Variants in PRELID2 observed in about 807,000 individuals in gnomAD.
PRELID2 encodes PRELI domain-containing protein 2.
In PRELID2, 25 loss-of-function variants were observed where a neutral mutation model predicts 28.4. The ratio of observed to expected loss-of-function variants is 0.88; its 90% confidence interval spans 0.64 to 1.23. PRELID2 has a LOEUF of 1.23. PRELID2 is among the 50% of genes most tolerant of loss of function. PRELID2 has a pLI of 0.00. For missense variants in PRELID2, 201 were observed against 214.4 expected, an observed-to-expected ratio of 0.94 and a Z score of 0.39; for synonymous variants, 76 against 71.6, an observed-to-expected ratio of 1.06 and a Z score of -0.31.
intron 1 of PRELID2, among the ~76,000 whole-genome samples, chr5:145,577,258 A>C (rs1753068773): frequency 6.6e-6 from 1 of 152,190 alleles, no homozygotes; most frequent in Admixed American, 6.6e-5. Context: ...TATCAGCCCT[A>C]AAGAAATGGA....
At chr5:145,466,243 A>G in the PRELID2 span, among the ~76,000 whole-genome samples, 3 of 152,154 alleles carry the variant, frequency 2.0e-5, no homozygotes, top group Non-Finnish European at 4.4e-5. Flanking sequence ...AGAAACCAAA[A>G]GTATGAATAC....
At chr5:145,376,804 GTCTA>G in the PRELID2 span, among the ~76,000 whole-genome samples, 1 of 152,020 alleles carries the variant, frequency 6.6e-6, no homozygotes, top group Non-Finnish European at 1.5e-5. Context: ...CTAGCTAGCA[GTCTA>G]TCTATTTTAT....
chr5:145,402,854 AG>A, the PRELID2 span, among the ~76,000 whole-genome samples: 1 of 152,198 alleles, frequency 6.6e-6, no homozygotes, highest in Non-Finnish European at 1.5e-5. Context: ...ATTTCAGGTA[AG>A]TCTTTTCAAG....
the PRELID2 span, among the ~76,000 whole-genome samples, chr5:145,415,482 C>T: frequency 6.8e-6 from 1 of 147,682 alleles, no homozygotes; most frequent in East Asian, 2.0e-4. Context: ...TTCCTGTGTC[C>T]ATGTGATCTC....
At chr5:145,478,809 T>C (rs956945228) in intron 1 of PRELID2, among the ~76,000 whole-genome samples, 3 of 152,236 alleles carry the variant, frequency 2.0e-5, no homozygotes, top group Non-Finnish European at 4.4e-5. Flanking sequence ...CGCTGTCTTT[T>C]GGTGGCTGGA....
At chr5:145,421,554 G>A in the PRELID2 span, among the ~76,000 whole-genome samples, 2 of 145,038 alleles carry the variant, frequency 1.4e-5, no homozygotes, top group Non-Finnish European at 3.1e-5. Flanking sequence ...ATGGTAGTTT[G>A]TATTTCTGTG....
intron 1 of PRELID2, among the ~76,000 whole-genome samples, chr5:145,701,115 A>G (rs2149702860): frequency 6.6e-6 from 1 of 152,324 alleles, no homozygotes; most frequent in South Asian, 2.1e-4. Flanking sequence ...AGAGAAGAGT[A>G]CTTTTTGAGA....
the PRELID2 span, among the ~76,000 whole-genome samples, chr5:145,455,952 C>G: frequency 6.8e-6 from 1 of 148,044 alleles, no homozygotes; most frequent in South Asian, 2.2e-4. Flanking sequence ...GTTGATCTCA[C>G]TGGGAGCTGC....
At chr5:145,653,051 A>G (rs1160857397) in intron 1 of PRELID2, among the ~76,000 whole-genome samples, 2 of 152,098 alleles carry the variant, frequency 1.3e-5, no homozygotes, top group African/African-American at 2.4e-5. Flanking sequence ...AAGGGATGGA[A>G]GAAGATCTAC....
intron 1 of PRELID2, among the ~76,000 whole-genome samples, chr5:145,582,069 T>C (rs1753111969): frequency 6.6e-6 from 1 of 152,018 alleles, no homozygotes; most frequent in African/African-American, 2.4e-5. Context: ...ACAGATAACT[T>C]TCTATTCATA....
chr5:145,682,309 C>T, intron 1 of PRELID2, among the ~76,000 whole-genome samples: 1 of 152,168 alleles, frequency 6.6e-6, no homozygotes, highest in Non-Finnish European at 1.5e-5. Context: ...GTTTCCACCT[C>T]TGATGGGGGA....
chr5:145,585,857 C>G (rs1753149651), intron 1 of PRELID2, among the ~76,000 whole-genome samples: 1 of 152,048 alleles, frequency 6.6e-6, no homozygotes, highest in Admixed American at 6.6e-5. Flanking sequence ...CCTTGGCACA[C>G]CCATGAGAAC....
the PRELID2 span, among the ~76,000 whole-genome samples, chr5:145,426,507 G>A: frequency 6.6e-6 from 1 of 152,042 alleles, no homozygotes; most frequent in Non-Finnish European, 1.5e-5. Flanking sequence ...AAGGATCTGG[G>A]TTATTCATTT....
the PRELID2 span, among the ~76,000 whole-genome samples, chr5:145,333,867 C>T: frequency 7.3e-5 from 11 of 150,448 alleles, no homozygotes; most frequent in South Asian, 6.4e-4. Context: ...TCTGCCCAAA[C>T]GGTCGCCCAG....
chr5:145,383,768 G>T, the PRELID2 span, among the ~76,000 whole-genome samples: 3 of 151,742 alleles, frequency 2.0e-5, no homozygotes, highest in Admixed American at 6.6e-5. Context: ...TGATCTTAGG[G>T]TAAGCAAACA....
chr5:145,264,056 A>C, the PRELID2 span, among the ~76,000 whole-genome samples: 1 of 152,214 alleles, frequency 6.6e-6, no homozygotes, highest in Non-Finnish European at 1.5e-5. Flanking sequence ...TCACAGCTGA[A>C]CTCTATCAGA....
chr5:145,765,372 G>GT (rs992564578), intron 5 of PRELID2, among the ~76,000 whole-genome samples: 1 of 152,146 alleles, frequency 6.6e-6, no homozygotes, highest in Non-Finnish European at 1.5e-5. Flanking sequence ...CACTGCTGGG[G>GT]TTTTATGTGC....
chr5:145,409,756 A>G, the PRELID2 span, among the ~76,000 whole-genome samples: 1 of 151,782 alleles, frequency 6.6e-6, no homozygotes, highest in Non-Finnish European at 1.5e-5. Flanking sequence ...TACTGAAAAA[A>G]AAAAAAAAAA....
chr5:145,363,038 C>A, the PRELID2 span, among the ~76,000 whole-genome samples: 2 of 144,920 alleles, frequency 1.4e-5, no homozygotes, highest in Non-Finnish European at 1.5e-5. Flanking sequence ...TCTTCTCCAC[C>A]ATAGAGATTA....
Sources: allele counts gnomAD v4.1 joint callset (sites outside exome capture counted in the v4.1 genomes callset), GRCh38; gene constraint gnomAD v4.1.1; transcripts MANE v1.5; gene names NCBI Gene and HGNC (gene_info 2026-07-23, HGNC 2026-07-21).